The following GRHPR variants were observed in gnomAD, a reference collection of about 807,000 sequenced individuals.
The protein encoded by GRHPR is glyoxylate and hydroxypyruvate reductase.
A neutral mutation model predicts 36.8 loss-of-function variants in GRHPR; 35 were observed. The observed-to-expected ratio is 0.95, with a 90% CI of 0.73 to 1.26. The LOEUF (loss-of-function observed/expected upper bound fraction) is 1.26, where lower values mean the gene tolerates loss of function less well. Among genes scored for constraint, GRHPR ranks in the 50% most tolerant of loss-of-function variants. The probability of loss-of-function intolerance (pLI) is 0.00; values close to 1 mark genes in which losing one functional copy is unlikely to be tolerated. For synonymous variants in GRHPR, 179 were observed against 181.0 expected, an observed-to-expected ratio of 0.99 and a Z score of 0.09; for missense variants, 380 against 435.0, an observed-to-expected ratio of 0.87 and a Z score of 1.12.
intron 2 of GRHPR, 64 bp from the exon 3 acceptor site, chr9:37,425,858 C>A: frequency 2.0e-6 from 2 of 1,001,686 alleles, no homozygotes; most frequent in Non-Finnish European, 1.6e-6. Flanking sequence ...CCATGATAGT[C>A]CCCAGTGCTG....
chr9:37,437,463 C>T (rs1251328126), downstream of GRHPR, among the ~76,000 whole-genome samples: 1 of 152,062 alleles, frequency 6.6e-6, no homozygotes, highest in African/African-American at 2.4e-5. Context: ...CCAGTTGTGA[C>T]CATGGCACTT....
At chr9:37,430,207 T>C in intron 6 of GRHPR, 1 of 547,792 alleles carries the variant, frequency 1.8e-6, no homozygotes, top group South Asian at 2.0e-5. Context: ...CGCCCCTTAG[T>C]CCAGGCGGAT....
rs148778319 is a variant in GRHPR, at chr9:37,426,586, C to T, written c.336C>T (p.Ala112=). The change falls in exon 4 of 9, where the codon GCC becomes GCT. Residue 112 remains alanine (A), a synonymous_variant. Transcript: ENST00000318158. ...CAGATGTCCTGACAGATACCACCGCCGAACTCGCAGTCTCCCTGCTACTTA... is the reference window on the plus strand; with the variant it reads ...CAGATGTCCTGACAGATACCACCGCTGAACTCGCAGTCTCCCTGCTACTTA... The part of the protein sequence containing the change: ...YTPDVLTDTT[A]ELAVSLLLTT... 316 of 1,614,040 alleles carry T rather than the reference C, an allele frequency of 2.0e-4. No individual in the cohort carries two copies. The highest frequency in any genetic ancestry group is 2.5e-4 in the Non-Finnish European group (294 of 1,179,902).
chr9:37,432,007 G>A lies in GRHPR; in HGVS notation c.735-1G>A, dbSNP rs180177317. On this transcript the variant is annotated splice_acceptor_variant, in intron 7 of 8. Transcript: ENST00000318158. LOFTEE classifies it high-confidence loss of function. ...ACCCATGTCACCACTGTCATTCCCA[G>A]GGGCGACGTCGTAAACCAGGACGAC... 7 of 1,614,032 alleles carry A rather than the reference G, an allele frequency of 4.3e-6. No homozygotes were observed. In the South Asian group the frequency reaches 6.6e-5, roughly 15 times the overall value.
At chr9:37,437,044 G>A, downstream of GRHPR, 1 of 427,624 alleles carries the variant, frequency 2.3e-6, no homozygotes, top group South Asian at 2.1e-5. Flanking sequence ...GCTGGGCATG[G>A]TGACGCACCC....
rs368512158 is a variant in GRHPR, at chr9:37,430,568, C to T, written c.656C>T (p.Thr219Ile). The T allele has an allele frequency of 1.2e-6, 2 of 1,613,364 alleles. No homozygotes were observed. Among genetic ancestry groups the T allele is most frequent in the African/African-American group, 2.7e-5 (2 of 74,924 alleles). Residue 219 changes from threonine (T) to isoleucine (I), a missense_variant, in exon 7 of 9, where the codon ACA (threonine) becomes ATA (isoleucine). Thr to Ile is a moderately conservative substitution (Grantham distance 89, BLOSUM62 -1). Coordinates refer to ENST00000318158, the MANE Select transcript of GRHPR (RefSeq NM_012203.2). The stretch of plus-strand genomic sequence containing the variant: ...TTCATCGTCGTGGCCTGCTCCTTAA[C>T]ACCTGCAACCGAGGGACTCTGCAAC... ...SDFIVVACSL[T>I]PATEGLCNKD...
At chr9:37,434,025 G>GGCC in intron 8 of GRHPR, 3 of 372,112 alleles carry the variant, frequency 8.1e-6, no homozygotes, top group Non-Finnish European at 1.4e-5. Context: ...CAGGAAAACT[G>GGCC]CCCTCCCACC....
chr9:37,425,316 A>T (rs1010436963), intron 2 of GRHPR, among the ~76,000 whole-genome samples: 1 of 152,244 alleles, frequency 6.6e-6, no homozygotes, highest in Non-Finnish European at 1.5e-5. Context: ...GCGTAGTATG[A>T]GGGAGGACCT....
chr9:37,426,779 C>G (rs753524063), intron 4 of GRHPR, 125 bp downstream of exon 4: 1 of 658,908 alleles, frequency 1.5e-6, no homozygotes, highest in Non-Finnish European at 2.8e-6. Context: ...GAAACCCCGT[C>G]TCTAGTAAAA....
intron 7 of GRHPR, chr9:37,430,994 A>G (rs906086049): frequency 2.0e-6 from 1 of 488,326 alleles, no homozygotes; most frequent in Non-Finnish European, 4.2e-6. Context: ...GGCCCTCTGG[A>G]GGCCGCCTCC....
chr9:37,436,676 T>A lies in GRHPR; in HGVS notation c.881T>A (p.Ile294Asn). ...TLKNCVILPH[I>N]GSATHRTRNT... ...TCCTTTCCAGTGATTCTGCCCCACA[T>A]TGGCAGTGCCACCCACAGAACCCGC... Residue 294 changes from isoleucine (I) to asparagine (N), a missense_variant, in exon 9 of 9, where the codon ATT becomes AAT. Transcript: ENST00000318158. The A allele has an allele frequency of 6.8e-6, 11 of 1,614,032 alleles. No homozygotes were observed. The highest frequency in any genetic ancestry group is 8.5e-6 in the Non-Finnish European group (10 of 1,179,924).
At chr9:37,426,778 T>C in intron 4 of GRHPR, 124 bp downstream of exon 4, 1 of 661,102 alleles carries the variant, frequency 1.5e-6, no homozygotes, top group African/African-American at 1.8e-5. Context: ...TGAAACCCCG[T>C]CTCTAGTAAA....
intron 4 of GRHPR, chr9:37,427,920 A>G (rs1554747336): frequency 6.3e-6 from 1 of 159,596 alleles, no homozygotes; most frequent in Non-Finnish European, 1.4e-5. Context: ...GGAGGCGTGC[A>G]AACGCAGGCT....
At chr9:37,428,627 TCC>T (rs759810267) in intron 5 of GRHPR, 55 bp downstream of exon 5, 1 of 1,162,440 alleles carries the variant, frequency 8.6e-7, no homozygotes, top group East Asian at 2.3e-5. Context: ...GTGGTTTGCA[TCC>T]CTGGCACCAC....
At chr9:37,422,517 A>ACCC (rs397973316), upstream of GRHPR, 8 of 517,812 alleles carry the variant, frequency 1.5e-5, no homozygotes, top group East Asian at 9.3e-5. Context: ...CACGAGGCGC[A>ACCC]CCCCCCCACA....
At position 37,428,251 on chromosome 9, in the gene GRHPR, G is replaced by A. The variant is rs538803953; in HGVS notation, c.405-233G>A. Reference sequence around the variant, plus strand: ...TTTTCCCATCTGCAAAACAGGATGAGAGCCAGTAAGGCCCCTTCCCGCCCT... The same window carrying A: ...TTTTCCCATCTGCAAAACAGGATGAAAGCCAGTAAGGCCCCTTCCCGCCCT... On this transcript the variant is annotated intron_variant, in intron 4 of 8. Transcript: ENST00000318158. The A allele has an allele frequency of 5.4e-4, 322 of 592,512 alleles. 1 individual carries two copies. The highest frequency in any genetic ancestry group is 5.1e-3 in the African/African-American group (275 of 53,860). 36.7% of individuals were successfully genotyped at this position (592,512 alleles called of 1,614,324 possible).
intron 1 of GRHPR, among the ~76,000 whole-genome samples, chr9:37,424,517 G>GC (rs1347800065): frequency 3.3e-5 from 5 of 152,234 alleles, no homozygotes; most frequent in African/African-American, 4.8e-5. Flanking sequence ...GGCACACCCT[G>GC]CCCCCCACGG....
chr9:37,430,837 G>T (rs557518998), intron 7 of GRHPR, 191 bp downstream of exon 7: 1 of 690,562 alleles, frequency 1.4e-6, no homozygotes, highest in South Asian at 1.5e-5. Flanking sequence ...AGAGCCGTCA[G>T]AGTGGGCCTG....
At position 37,431,046 on chromosome 9, in the gene GRHPR, T is replaced by C. The variant is rs562323444; in HGVS notation, c.734+400T>C. The C allele has an allele frequency of 1.3e-5, 6 of 474,804 alleles. No individual in the cohort carries two copies. In the East Asian group the frequency reaches 4.1e-4, roughly 33 times the overall value. The allele number at this position is 474,804 out of a possible 1,614,324, so 29.4% of individuals were successfully genotyped here. ...GCTTTGTCTGGCTGTGGTTCAGTGATACTTTGAACCTTATGCTCCTGGGCG... is the reference window on the plus strand; with the variant it reads ...GCTTTGTCTGGCTGTGGTTCAGTGACACTTTGAACCTTATGCTCCTGGGCG... On this transcript the variant is annotated intron_variant, in intron 7 of 8. Transcript: ENST00000318158.
Sources: allele counts gnomAD v4.1 joint callset (sites outside exome capture counted in the v4.1 genomes callset), GRCh38; gene constraint gnomAD v4.1.1; transcripts MANE v1.5; gene names NCBI Gene and HGNC (gene_info 2026-07-23, HGNC 2026-07-21).